Variants in CHRM3 observed in about 807,000 individuals in gnomAD.
The protein encoded by CHRM3 is muscarinic acetylcholine receptor M3.
Under a neutral mutation model 41.8 loss-of-function variants are expected in CHRM3, and 11 were observed. That is an observed-to-expected ratio of 0.26 (90% CI 0.17 to 0.44). CHRM3 has a LOEUF of 0.44. CHRM3 is among the 20% of genes least tolerant of loss of function. The pLI, the probability that CHRM3 is intolerant of heterozygous loss-of-function variation, is 1.00. For missense variants in CHRM3, 571 were observed against 745.4 expected, an observed-to-expected ratio of 0.77 and a Z score of 2.72; for synonymous variants, 297 against 301.4, an observed-to-expected ratio of 0.99 and a Z score of 0.15.
At chr1:239,426,984 G>C (rs1417590641) in intron 1 of CHRM3, among the ~76,000 whole-genome samples, 1 of 152,068 alleles carries the variant, frequency 6.6e-6, no homozygotes, top group Non-Finnish European at 1.5e-5. Flanking sequence ...GGGTTGAAGG[G>C]AGGGGTGGGT....
intron 2 of CHRM3, among the ~76,000 whole-genome samples, chr1:239,516,431 G>T (rs539647986): frequency 6.6e-6 from 1 of 152,310 alleles, no homozygotes; most frequent in South Asian, 2.1e-4. Flanking sequence ...ACATGAGATA[G>T]ACTTAGTAAA....
chr1:239,408,655 ATTTC>A lies in CHRM3; in HGVS notation c.-521+21432_-521+21435del, dbSNP rs542263576. The stretch of plus-strand genomic sequence containing the variant: ...GCCCAGGATGCTCTTTTAAAAAATT[ATTTC>A]TTTAATAGATGGGGTCTCAATCTGC... On this transcript the variant is annotated intron_variant, in intron 1 of 6. Coordinates refer to ENST00000676153, the MANE Select transcript of CHRM3 (RefSeq NM_001375978.1). Among the ~76,000 whole-genome samples, 663 of 151,994 alleles carry A rather than the reference ATTTC, an allele frequency of 4.4e-3. 5 individuals are homozygous for A. Among genetic ancestry groups the A allele is most frequent in the African/African-American group, 0.015 (634 of 41,430 alleles).
rs554854478 is a variant in CHRM3 at position 239,686,282 on chromosome 1, G to A, written c.-147+7994G>A. On this transcript the variant is annotated intron_variant, in intron 5 of 6. Coordinates refer to ENST00000676153, the MANE Select transcript of CHRM3 (RefSeq NM_001375978.1). ...TATCATAAAACAGCAGAGTTTCTAT[G>A]GGAGCTCATCTGAAGCTGTTCCCTT... is the stretch of plus-strand genomic sequence containing the variant. Among the ~76,000 whole-genome samples, 42 of 152,246 alleles carry A rather than the reference G, an allele frequency of 2.8e-4. 2 individuals carry two copies. In the South Asian group the frequency reaches 8.1e-3, roughly 29 times the overall value.
intron 3 of CHRM3, chr1:239,546,464 T>C (rs1383079722): frequency 6.6e-6 from 1 of 152,144 alleles, no homozygotes; most frequent in Non-Finnish European, 1.5e-5. Context: ...ACAGCACAAG[T>C]AGAGAGCTGG....
intron 5 of CHRM3, among the ~76,000 whole-genome samples, chr1:239,711,714 G>A (rs1016669435): frequency 6.7e-6 from 1 of 148,916 alleles, no homozygotes; most frequent in Non-Finnish European, 1.5e-5. Context: ...TTTAGTGACA[G>A]GGTCTCACTC....
At chr1:239,460,013 T>C (rs183479660) in intron 1 of CHRM3, among the ~76,000 whole-genome samples, 5 of 152,228 alleles carry the variant, frequency 3.3e-5, no homozygotes, top group African/African-American at 1.2e-4. Flanking sequence ...CTGAGGAAGG[T>C]ACCAAGGGAG....
intron 5 of CHRM3, among the ~76,000 whole-genome samples, chr1:239,689,017 A>G (rs972300261): frequency 1.3e-5 from 2 of 150,856 alleles, no homozygotes; most frequent in African/African-American, 4.9e-5. Flanking sequence ...GGCTTGCAGT[A>G]TTATGATAAA....
intron 5 of CHRM3, among the ~76,000 whole-genome samples, chr1:239,700,932 G>A (rs902160576): frequency 6.6e-6 from 1 of 152,096 alleles, no homozygotes; most frequent in Non-Finnish European, 1.5e-5. Context: ...GACCCGTACT[G>A]TAGATATGAT....
At chr1:239,619,359 T>C (rs1266176405) in intron 3 of CHRM3, among the ~76,000 whole-genome samples, 1 of 152,192 alleles carries the variant, frequency 6.6e-6, no homozygotes. Flanking sequence ...CTGAAGACCC[T>C]GGATGGAGAC....
At chr1:239,430,113 CCCA>C (rs1214043367) in intron 1 of CHRM3, among the ~76,000 whole-genome samples, 1 of 151,398 alleles carries the variant, frequency 6.6e-6, no homozygotes, top group Non-Finnish European at 1.5e-5. Flanking sequence ...ACTACAGGCG[CCCA>C]CCACCACACC....
intron 5 of CHRM3, among the ~76,000 whole-genome samples, chr1:239,786,646 C>G (rs1668921355): frequency 6.6e-6 from 1 of 152,168 alleles, no homozygotes; most frequent in Admixed American, 6.5e-5. Context: ...GAGAGGTGCT[C>G]AGAGGTCACT....
chr1:239,388,470 G>A lies in CHRM3; in HGVS notation c.-521+1243G>A, dbSNP rs574651012. On this transcript the variant is annotated intron_variant, in intron 1 of 6. Transcript: ENST00000676153. ...TTTAACTGGGTGCAGTGATTATATA[G>A]TCCAGATAATTTCATATTGTGAGAT... is the stretch of plus-strand genomic sequence containing the variant. 4.6e-5 allele frequency among the ~76,000 whole-genome samples: 7 copies of A among 152,216 alleles called. No individual in the cohort carries two copies. In the East Asian group the frequency reaches 1.4e-3, roughly 29 times the overall value.
At chr1:239,709,428 C>A (rs10802796) in intron 5 of CHRM3, among the ~76,000 whole-genome samples, 152,289 of 152,316 alleles carry the variant, frequency 1, 76,131 homozygotes, top group Middle Eastern at 1. Context: ...TGTTTTTTTC[C>A]GTAAAGCAGC....
chr1:239,501,310 G>A (rs555292470), intron 2 of CHRM3, among the ~76,000 whole-genome samples: 10 of 152,194 alleles, frequency 6.6e-5, no homozygotes, highest in African/African-American at 2.2e-4. Context: ...TTTATCCAAC[G>A]ACTGCAGAAT....
intron 5 of CHRM3, among the ~76,000 whole-genome samples, chr1:239,742,920 A>G (rs114807913): frequency 0.017 from 2,631 of 152,268 alleles, 72 homozygotes; most frequent in African/African-American, 0.06. Context: ...ATCTGTCGCC[A>G]TCTAATCTTC....
At chr1:239,388,937 T>C (rs952996850) in intron 1 of CHRM3, among the ~76,000 whole-genome samples, 5 of 152,204 alleles carry the variant, frequency 3.3e-5, no homozygotes, top group Non-Finnish European at 7.3e-5. Context: ...GGTTTCCATA[T>C]GGAAATATAA....
intron 5 of CHRM3, among the ~76,000 whole-genome samples, chr1:239,714,504 GAAGAC>G (rs1398566803): frequency 2.0e-5 from 3 of 152,178 alleles, no homozygotes; most frequent in African/African-American, 7.2e-5. Context: ...AGCAGAGGCA[GAAGAC>G]AGCTTGTGCC....
chr1:239,571,587 C>T (rs187019147), intron 3 of CHRM3, among the ~76,000 whole-genome samples: 1 of 152,278 alleles, frequency 6.6e-6, no homozygotes, highest in African/African-American at 2.4e-5. Flanking sequence ...CACCAGCTGT[C>T]CCTTTTTCTG....
At chr1:239,863,579 G>A (rs764107987) in intron 6 of CHRM3, among the ~76,000 whole-genome samples, 2 of 152,172 alleles carry the variant, frequency 1.3e-5, no homozygotes, top group African/African-American at 2.4e-5. Context: ...GGCCATCAGG[G>A]CTGGTTCCTC....
Sources: gnomAD v4.1 joint callset for allele counts (sites outside exome capture counted in the v4.1 genomes callset) on GRCh38, gnomAD v4.1.1 for gene constraint, MANE v1.5 for transcripts, NCBI Gene and HGNC (gene_info 2026-07-23, HGNC 2026-07-21) for gene names.